HAP1: variants seen among roughly 807,000 people sequenced by gnomAD.
HAP1 encodes huntingtin-associated protein 1.
A neutral mutation model predicts 60.3 loss-of-function variants in HAP1; 59 were observed. The ratio of observed to expected loss-of-function variants is 0.98; its 90% CI spans 0.79 to 1.22. The LOEUF (loss-of-function observed/expected upper bound fraction) is 1.22. HAP1 is among the 50% of genes most tolerant of loss of function. The pLI is 0.00. For synonymous variants in HAP1, 346 were observed against 330.6 expected (o/e 1.05, Z -0.50); for missense variants, 825 against 785.3 (o/e 1.05, Z -0.60).
intron 7 of HAP1, 24 bp from the exon 8 acceptor site, chr17:41,727,860 A>G: frequency 6.8e-7 from 1 of 1,471,798 alleles, no homozygotes. Flanking sequence ...AAACCAGTGA[A>G]CCCCCATCTG....
chr17:41,718,964 A>G (rs1392803041), downstream of HAP1, among the ~76,000 whole-genome samples: 2 of 152,032 alleles, frequency 1.3e-5, no homozygotes, highest in African/African-American at 2.4e-5. Flanking sequence ...CAAGTAACTT[A>G]TATTTTTTTA....
intron 5 of HAP1, 35 bp from the exon 6 acceptor site, chr17:41,731,594 C>A: frequency 1.2e-6 from 2 of 1,602,824 alleles, no homozygotes; most frequent in South Asian, 1.1e-5. Context: ...ACAGGGAAGT[C>A]AACACCCCCT....
At chr17:41,717,917 A>G (rs150053869), downstream of HAP1, 16 of 450,250 alleles carry the variant, frequency 3.6e-5, no homozygotes, top group African/African-American at 1.4e-4. Flanking sequence ...ACTCCATTCC[A>G]TCATTGTTCT....
Position 41,731,961 on chromosome 17 carries a change from G to T in HAP1, c.872C>A (p.Ala291Asp). Residue 291 changes from alanine (A) to aspartate (D), a missense_variant, in exon 4 of 11, where the codon GCT becomes GAT. Physicochemically the swap from Ala to Asp is moderately radical, Grantham distance 126. Coordinates refer to ENST00000347901, the MANE Select transcript of HAP1 (RefSeq NM_177977.3). ...EEEAEEDLQC[A>D]HPCDAPKLIS... ...CAGCTTAGGGGCATCACAGGGATGA[G>T]CACACTGCAGGTCTTCCTCTGCTTC... 1.0e-6 allele frequency: 1 copy of T among 990,614 alleles called. No individual in the cohort carries two copies. The highest frequency in any genetic ancestry group is 1.6e-6 in the Non-Finnish European group (1 of 630,354). 61.4% of individuals were successfully genotyped at this position (990,614 alleles called of 1,614,324 possible). A position where few individuals can be genotyped will look rare whatever the true frequency, so the allele number is the denominator to read the frequency against.
intron 4 of HAP1, 42 bp downstream of exon 4, chr17:41,731,895 G>A (rs1555591100): frequency 1.2e-6 from 1 of 825,098 alleles, no homozygotes; most frequent in Non-Finnish European, 2.0e-6. Flanking sequence ...AGGAAATTGA[G>A]GCTCAGAGAA....
chr17:41,732,437 A>G, intron 2 of HAP1, 43 bp from the exon 3 acceptor site: 1 of 1,598,528 alleles, frequency 6.3e-7, no homozygotes, highest in Non-Finnish European at 8.5e-7. Flanking sequence ...GGCCCCTAAG[A>G]GAACCTTCCC....
chr17:41,728,070 G>A lies in HAP1; in HGVS notation c.1200+131C>T, dbSNP rs995338384. On this transcript the variant is annotated intron_variant, in intron 7 of 10. Transcript: ENST00000347901. Reference sequence around the variant, plus strand: ...CAAGATAACAAGGGGTCAAGATAAGGGGCTCTCTGAGGTCTCTGACTCTGA... The same window carrying A: ...CAAGATAACAAGGGGTCAAGATAAGAGGCTCTCTGAGGTCTCTGACTCTGA... 5 of 1,088,438 alleles carry A rather than the reference G, an allele frequency of 4.6e-6. No individual in the cohort carries two copies. In the Admixed American group the frequency reaches 5.7e-5, roughly 12 times the overall value. The allele number at this position is 1,088,438 out of a possible 1,614,324, so 67.4% of individuals were successfully genotyped here. A position where few individuals can be genotyped will look rare whatever the true frequency, so the allele number is the denominator to read the frequency against.
At chr17:41,726,987 C>T (rs1911690651) in intron 9 of HAP1, 66 bp downstream of exon 9, 9 of 813,954 alleles carry the variant, frequency 1.1e-5, no homozygotes, top group East Asian at 1.1e-4. Flanking sequence ...AGTGTGAGGG[C>T]AAACCCCCTC....
At chr17:41,731,441 T>G in intron 6 of HAP1, 52 bp downstream of exon 6, 1 of 1,277,998 alleles carries the variant, frequency 7.8e-7, no homozygotes, top group South Asian at 1.2e-5. Context: ...TCTTGAGTTC[T>G]TTTCTCTGCT....
downstream of HAP1, chr17:41,718,170 C>T (rs561787891): frequency 3.1e-5 from 10 of 318,124 alleles, no homozygotes; most frequent in African/African-American, 2.1e-4. Flanking sequence ...GGCCATACCA[C>T]CCTGAACGCG....
chr17:41,718,773 C>G (rs1355283251), downstream of HAP1, among the ~76,000 whole-genome samples: 4 of 152,334 alleles, frequency 2.6e-5, no homozygotes, highest in African/African-American at 9.6e-5. Flanking sequence ...CCTCCCACCA[C>G]AGCAGCAGAT....
chr17:41,725,186 G>A (rs977584075), intron 10 of HAP1, 32 bp from the exon 11 acceptor site: 2 of 1,530,000 alleles, frequency 1.3e-6, no homozygotes, highest in Non-Finnish European at 1.8e-6. Context: ...CTTTTGAGGG[G>A]CTGGAAAGTC....
intron 9 of HAP1, 144 bp downstream of exon 9, chr17:41,726,909 T>C: frequency 1.7e-6 from 1 of 595,100 alleles, no homozygotes; most frequent in South Asian, 2.1e-5. Flanking sequence ...TCCATATTCA[T>C]AGAGAAGCAA....
At chr17:41,720,439 C>T (rs1911154748), downstream of HAP1, among the ~76,000 whole-genome samples, 1 of 152,104 alleles carries the variant, frequency 6.6e-6, no homozygotes, top group Non-Finnish European at 1.5e-5. Flanking sequence ...AGGTGATCCA[C>T]CCACCTCGGC....
Position 41,725,790 on chromosome 17 carries a change from A to G in HAP1, c.1406+69T>C, listed in dbSNP as rs1597736995. ...TCCGGAGTTGCAGGGTGGCAGAACC[A>G]GAGGCAGGTGGGCTGTCTGGCTGCT... On this transcript the variant is annotated intron_variant, in intron 10 of 10. Transcript: ENST00000347901. 5.1e-6 allele frequency: 6 copies of G among 1,182,652 alleles called. No individual in the cohort carries two copies. In the South Asian group the frequency reaches 7.3e-5, roughly 14 times the overall value. 73.3% of individuals were successfully genotyped at this position (1,182,652 alleles called of 1,614,324 possible).
chr17:41,725,234 A>T (rs1209545560), intron 10 of HAP1, 80 bp from the exon 11 acceptor site: 66 of 1,178,130 alleles, frequency 5.6e-5, no homozygotes, highest in Non-Finnish European at 7.7e-5. Context: ...CTCCACACAG[A>T]TCCTGATGGT....
chr17:41,732,559 G>T, intron 2 of HAP1, 160 bp downstream of exon 2: 1 of 976,714 alleles, frequency 1.0e-6, no homozygotes, highest in Non-Finnish European at 1.6e-6. Flanking sequence ...GGCTCTGAGA[G>T]CTCTTCCAGC....
downstream of HAP1, chr17:41,721,001 A>ATG (rs1911178372): frequency 1.3e-5 from 2 of 151,274 alleles, no homozygotes; most frequent in South Asian, 4.2e-4. Flanking sequence ...GGGTTTCTCC[A>ATG]TTGGTCAGGC....
At chr17:41,731,392 C>T in intron 6 of HAP1, 101 bp downstream of exon 6, 1 of 828,206 alleles carries the variant, frequency 1.2e-6, no homozygotes, top group Non-Finnish European at 2.1e-6. Context: ...GCTAGGAGTG[C>T]CAGATCTGGG....
Sources: allele counts gnomAD v4.1 joint callset (sites outside exome capture counted in the v4.1 genomes callset), GRCh38; gene constraint gnomAD v4.1.1; transcripts MANE v1.5; gene names NCBI Gene and HGNC (gene_info 2026-07-23, HGNC 2026-07-21).